TMEM144: variants seen among roughly 807,000 people sequenced by gnomAD.
TMEM144 encodes transmembrane protein 144.
A neutral mutation model predicts 43.6 loss-of-function variants in TMEM144; 39 were observed. The observed-to-expected ratio is 0.90, with a 90% CI of 0.69 to 1.17. TMEM144 has a LOEUF of 1.17. Among genes scored for constraint, TMEM144 ranks in the 50% most tolerant of loss-of-function variants. TMEM144 has a pLI of 0.00. For missense variants in TMEM144, 417 were observed against 411.9 expected (o/e 1.01, Z -0.11); for synonymous variants, 154 against 133.6 (o/e 1.15, Z -1.06).
intron 4 of TMEM144, among the ~76,000 whole-genome samples, chr4:158,216,750 CAGG>C (rs1734241497): frequency 6.6e-6 from 1 of 151,522 alleles, no homozygotes; most frequent in Non-Finnish European, 1.5e-5. Context: ...AAGAGAAAAA[CAGG>C]AGGAGACTCA....
intron 12 of TMEM144, among the ~76,000 whole-genome samples, chr4:158,249,887 G>GGTGTGTGT (rs149144602): frequency 0.01 from 1,412 of 134,488 alleles, 6 homozygotes; most frequent in Middle Eastern, 0.015. Flanking sequence ...CCTACTGCCA[G>GGTGTGTGT]GTGTGTGTGT....
chr4:158,251,100 T>G (rs1467626877), intron 12 of TMEM144, among the ~76,000 whole-genome samples: 2 of 152,202 alleles, frequency 1.3e-5, no homozygotes, highest in Non-Finnish European at 2.9e-5. Flanking sequence ...CATGAACCAT[T>G]GTTATTTTTC....
intron 12 of TMEM144, among the ~76,000 whole-genome samples, chr4:158,251,832 CTT>C (rs1480565843): frequency 6.6e-6 from 1 of 152,294 alleles, no homozygotes; most frequent in East Asian, 1.9e-4. Context: ...ATGATTCTCT[CTT>C]GAGTATGTCC....
At position 158,212,768 on chromosome 4, in the gene TMEM144, CT is replaced by C; in HGVS notation, c.102del (p.Gly35ValfsTer23). The stretch of plus-strand genomic sequence containing the variant: ...TTTGTGCCACTTAAAAAATTTGATA[CT>C]GGTGATGGTAATTATTTTTCCTTGA... ...SNFVPLKKFD[T>X]GDGMFLQWVL... On this transcript the variant is annotated frameshift_variant, in exon 3 of 13. Coordinates refer to ENST00000296529, the MANE Select transcript of TMEM144 (RefSeq NM_018342.5). LOFTEE classifies it high-confidence loss of function. 6.2e-7 allele frequency: 1 copy of C among 1,608,914 alleles called. No homozygotes were observed. The highest frequency in any genetic ancestry group is 1.1e-5 in the South Asian group (1 of 90,938).
Position 158,244,159 on chromosome 4 carries a change from T to A in TMEM144, c.901-137T>A, listed in dbSNP as rs184973947. ...ACTTAATATCACCTAAAGTTTAGCT[T>A]AGTGTGGAGTTAGGGTTGATATTAT... On this transcript the variant is annotated intron_variant, in intron 11 of 12. Transcript: ENST00000296529. 5.3e-3 allele frequency: 2,321 copies of A among 434,850 alleles called. 8 individuals are homozygous for A. The highest frequency in any genetic ancestry group is 7.7e-3 in the Non-Finnish European group (1,952 of 254,160). The allele number at this position is 434,850 out of a possible 1,614,324, so 26.9% of individuals were successfully genotyped here.
intron 4 of TMEM144, among the ~76,000 whole-genome samples, chr4:158,215,636 A>C (rs1734185423): frequency 6.6e-6 from 1 of 152,174 alleles, no homozygotes; most frequent in Non-Finnish European, 1.5e-5. Flanking sequence ...CCTTTTTTCT[A>C]GCATGTTTAT....
chr4:158,241,627 T>G (rs774088183), intron 11 of TMEM144, 21 bp downstream of exon 11: 2 of 1,604,172 alleles, frequency 1.2e-6, no homozygotes, highest in Admixed American at 3.3e-5. Context: ...GAACTGGTTT[T>G]CCTAATTTTC....
At position 158,254,041 on chromosome 4, in the gene TMEM144, G is replaced by A. The variant is rs911899618; in HGVS notation, c.*514G>A. 1 of 152,166 alleles carries A rather than the reference G, an allele frequency of 6.6e-6. No individual in the cohort carries two copies. Among genetic ancestry groups the A allele is most frequent in the East Asian group, 1.9e-4 (1 of 5,200 alleles). 9.4% of individuals were successfully genotyped at this position (152,166 alleles called of 1,614,324 possible). A position where few individuals can be genotyped will look rare whatever the true frequency, so the allele number is the denominator to read the frequency against. ...TAGTTGGTAACTAAATGTTAAAAAG[G>A]CCATTTTATTATTGTTAGCCAAAAC... On this transcript the variant is annotated 3_prime_UTR_variant, in exon 13 of 13. Transcript: ENST00000296529.
chr4:158,249,377 C>T (rs1250873176), intron 12 of TMEM144, among the ~76,000 whole-genome samples: 3 of 152,200 alleles, frequency 2.0e-5, no homozygotes, highest in Non-Finnish European at 4.4e-5. Context: ...CAGTAAGCTA[C>T]TCCCTGGTGA....
intron 9 of TMEM144, among the ~76,000 whole-genome samples, chr4:158,238,638 C>T (rs1475387364): frequency 6.6e-6 from 1 of 152,028 alleles, no homozygotes; most frequent in Non-Finnish European, 1.5e-5. Context: ...GAACCAGAAA[C>T]GAATCTAAAA....
chr4:158,251,082 G>T (rs905544723), intron 12 of TMEM144, among the ~76,000 whole-genome samples: 1 of 152,048 alleles, frequency 6.6e-6, no homozygotes, highest in Non-Finnish European at 1.5e-5. Context: ...CTTCTACAAT[G>T]ACTTACCCAT....
chr4:158,227,496 G>A (rs1450230412), intron 6 of TMEM144, among the ~76,000 whole-genome samples: 1 of 152,040 alleles, frequency 6.6e-6, no homozygotes. Context: ...GCTTTTAAAG[G>A]AATAAGGTAC....
chr4:158,217,784 T>C (rs1734302790), intron 5 of TMEM144, among the ~76,000 whole-genome samples: 1 of 152,164 alleles, frequency 6.6e-6, no homozygotes, highest in African/African-American at 2.4e-5. Context: ...AGAGAGTAGA[T>C]AAAAAGAGAT....
rs1350632990 is a variant in TMEM144 at position 158,245,010 on chromosome 4, T to TA, written c.954+662dup. On this transcript the variant is annotated intron_variant, in intron 12 of 12. Transcript: ENST00000296529. ...TAAACAAGATGAAAGATTTTTTTTTTATCCTAAAGGTTAAAGTATCCCCTG... is the reference window on the plus strand; with the variant it reads ...TAAACAAGATGAAAGATTTTTTTTTTAATCCTAAAGGTTAAAGTATCCCCTG... 2.6e-5 allele frequency among the ~76,000 whole-genome samples: 4 copies of TA among 152,290 alleles called. No individual in the cohort carries two copies. In the East Asian group the frequency reaches 7.7e-4, roughly 29 times the overall value.
chr4:158,244,405 T>C, intron 12 of TMEM144, 56 bp downstream of exon 12: 1 of 1,437,710 alleles, frequency 7.0e-7, no homozygotes, highest in Non-Finnish European at 9.7e-7. Context: ...CCGGGCGTGG[T>C]GGCTCACGCT....
At position 158,240,391 on chromosome 4, in the gene TMEM144, A is replaced by C. The variant is rs761559121; in HGVS notation, c.775A>C (p.Lys259Gln). The C allele has an allele frequency of 6.2e-7, 1 of 1,613,362 alleles. No individual in the cohort carries two copies. Among genetic ancestry groups the C allele is most frequent in the South Asian group, 1.1e-5 (1 of 90,898 alleles). Residue 259 changes from lysine to glutamine, a missense_variant, in exon 10 of 13, where the codon AAA becomes CAA. Lys to Gln is a moderately conservative substitution (Grantham distance 53, BLOSUM62 1). Coordinates refer to ENST00000296529, the MANE Select transcript of TMEM144 (RefSeq NM_018342.5). ...AYCIAMKNSPKLYPEAVLPGF... is the reference protein window; with the variant it reads ...AYCIAMKNSPQLYPEAVLPGF... ...CTGCATAGCCATGAAAAATAGTCCT[A>C]AACTATATCCTGAAGCAGTCCTACC...
intron 4 of TMEM144, among the ~76,000 whole-genome samples, chr4:158,215,520 A>C (rs1734179564): frequency 6.6e-6 from 1 of 152,092 alleles, no homozygotes; most frequent in Non-Finnish European, 1.5e-5. Flanking sequence ...ATTCCTCTTA[A>C]TGATTTATTT....
At chr4:158,223,248 G>T (rs1042733569) in intron 6 of TMEM144, among the ~76,000 whole-genome samples, 3 of 152,052 alleles carry the variant, frequency 2.0e-5, no homozygotes, top group Non-Finnish European at 4.4e-5. Flanking sequence ...TTTATTTTGT[G>T]CCAGAAGTAC....
chr4:158,215,008 T>A (rs73860309), intron 3 of TMEM144, among the ~76,000 whole-genome samples, 183 bp from the exon 4 acceptor site: 75 of 152,324 alleles, frequency 4.9e-4, no homozygotes, highest in African/African-American at 1.8e-3. Context: ...ATTCATTTTC[T>A]CTATCTTTGA....
Sources: gnomAD v4.1 joint callset for allele counts (sites outside exome capture counted in the v4.1 genomes callset) on GRCh38, gnomAD v4.1.1 for gene constraint, MANE v1.5 for transcripts, NCBI Gene and HGNC (gene_info 2026-07-23, HGNC 2026-07-21) for gene names.